The following CCNJ variants were observed in gnomAD, a reference collection of about 807,000 sequenced individuals.
The protein encoded by CCNJ is cyclin-J.
A neutral mutation model predicts 41.4 loss-of-function variants in CCNJ; 12 were observed. That is an observed-to-expected ratio of 0.29 (90% CI 0.19 to 0.47). The LOEUF (loss-of-function observed/expected upper bound fraction) is 0.47, where lower values mean the gene tolerates loss of function less well. CCNJ is among the 20% of genes least tolerant of loss of function. The pLI is 1.00. For missense variants in CCNJ, 340 were observed against 464.6 expected (o/e 0.73, Z 2.47); for synonymous variants, 161 against 173.4 (o/e 0.93, Z 0.56).
Position 96,057,898 on chromosome 10 carries a change from T to G in CCNJ, c.809T>G (p.Leu270Arg). The G allele has an allele frequency of 6.2e-7, 1 of 1,614,182 alleles. No homozygotes were observed. The highest frequency in any genetic ancestry group is 8.5e-7 in the Non-Finnish European group (1 of 1,180,010). Residue 270 changes from leucine (L) to arginine (R), a missense_variant, in exon 6 of 6, where the codon CTA (leucine) becomes CGA (arginine). By Grantham distance (102) the Leu-to-Arg change is moderately radical. Around this residue, in one of 3 missense-constraint regions of CCNJ, gnomAD observed 159 missense variants for 168.2 expected, o/e 0.95. Coordinates refer to ENST00000465148, the MANE Select transcript of CCNJ (RefSeq NM_001134375.2). Reference sequence around the variant, plus strand: ...CAAGCAGGACCTCAGTCAGCGCAACTAAGTGTATTCCAGACAGCCTCCCAG... The same window carrying G: ...CAAGCAGGACCTCAGTCAGCGCAACGAAGTGTATTCCAGACAGCCTCCCAG... The part of the protein sequence containing the change: ...RGQAGPQSAQ[L>R]SVFQTASQPS...
chr10:96,044,878 T>C (rs562304928), intron 2 of CCNJ, among the ~76,000 whole-genome samples: 1 of 152,338 alleles, frequency 6.6e-6, no homozygotes, highest in East Asian at 1.9e-4. Context: ...CCGTGAGACG[T>C]GGACAAGTGA....
rs777904014 is a variant in CCNJ, at chr10:96,058,186, G to A, written c.1097G>A (p.Arg366Gln). The A allele has an allele frequency of 9.9e-6, 16 of 1,613,902 alleles. No homozygotes were observed. Among genetic ancestry groups the A allele is most frequent in the Middle Eastern group, 1.6e-4 (1 of 6,084 alleles). ...CCCTGTCTGAGTGTTTCTTACAACC[G>A]GAGTTATCAGATAAATGAACATTAC... ...VKPCLSVSYN[R>Q]SYQINEHYPC... Residue 366 changes from arginine to glutamine, a missense_variant, in exon 6 of 6, where the codon CGG becomes CAG. Arg to Gln is a conservative substitution (Grantham distance 43). Around this residue, in one of 3 missense-constraint regions of CCNJ, gnomAD observed 159 missense variants for 168.2 expected, o/e 0.95. Coordinates refer to ENST00000465148, the MANE Select transcript of CCNJ (RefSeq NM_001134375.2).
intron 2 of CCNJ, among the ~76,000 whole-genome samples, chr10:96,047,176 C>T (rs2080386839): frequency 6.6e-6 from 1 of 152,104 alleles, no homozygotes; most frequent in African/African-American, 2.4e-5. Context: ...GCTTTTATGC[C>T]TGGGTTAGTA....
chr10:96,057,823 G>A lies in CCNJ; in HGVS notation c.741-7G>A, dbSNP rs754698853. 3.1e-5 allele frequency: 50 copies of A among 1,608,518 alleles called. No individual in the cohort carries two copies. In the East Asian group the frequency reaches 3.8e-4, roughly 12 times the overall value. ...TTTTAATAGTTTCCTTTCTCTCCAC[G>A]TTTCAGCGCTCATGATAATGATGTG... On this transcript the variant is annotated splice_region_variant and splice_polypyrimidine_tract_variant and intron_variant, in intron 5 of 5. Coordinates refer to ENST00000465148, the MANE Select transcript of CCNJ (RefSeq NM_001134375.2).
intron 3 of CCNJ, among the ~76,000 whole-genome samples, chr10:96,051,984 T>C (rs1172748068): frequency 2.0e-5 from 3 of 152,266 alleles, no homozygotes; most frequent in South Asian, 2.1e-4. Flanking sequence ...TCCAGTCTCA[T>C]CCCCATGTAC....
intron 2 of CCNJ, among the ~76,000 whole-genome samples, chr10:96,048,886 G>A (rs950042469): frequency 6.6e-6 from 1 of 152,148 alleles, no homozygotes; most frequent in South Asian, 2.1e-4. Flanking sequence ...GAACATGTGT[G>A]TACAAATCTC....
intron 2 of CCNJ, among the ~76,000 whole-genome samples, chr10:96,049,476 TTTTTC>T (rs1439953530): frequency 8.4e-6 from 1 of 118,746 alleles, no homozygotes; most frequent in Admixed American, 9.5e-5. Flanking sequence ...TTTCTTTTTC[TTTTTC>T]TTTTTTTTTT....
At chr10:96,044,301 C>A in intron 1 of CCNJ, 52 bp from the exon 2 acceptor site, 2 of 1,047,272 alleles carry the variant, frequency 1.9e-6, no homozygotes, top group Non-Finnish European at 2.6e-6. Context: ...GGAGGGGGCG[C>A]AGAGGGTCGC....
At chr10:96,052,064 TAA>T (rs1190971777) in intron 3 of CCNJ, among the ~76,000 whole-genome samples, 2 of 152,072 alleles carry the variant, frequency 1.3e-5, no homozygotes, top group African/African-American at 2.4e-5. Flanking sequence ...TACTGTTCTC[TAA>T]AATTCAGACA....
Position 96,044,455 on chromosome 10 carries a change from G to T in CCNJ, c.62G>T (p.Arg21Leu). ...QLAADIHQALRYKELKLPSYK... is the reference protein window; with the variant it reads ...QLAADIHQALLYKELKLPSYK... Reference sequence around the variant, plus strand: ...GCCGCCGATATTCACCAAGCGCTTCGCTACAAGGTAACTCCGAGGCCCGGC... The same window carrying T: ...GCCGCCGATATTCACCAAGCGCTTCTCTACAAGGTAACTCCGAGGCCCGGC... Residue 21 changes from arginine to leucine, a missense_variant, in exon 2 of 6, where the codon CGC becomes CTC. Physicochemically the swap from Arg to Leu is moderately radical, Grantham distance 102. Coordinates refer to ENST00000465148, the MANE Select transcript of CCNJ (RefSeq NM_001134375.2). 1 of 1,554,164 alleles carries T rather than the reference G, an allele frequency of 6.4e-7. No individual in the cohort carries two copies. Among genetic ancestry groups the T allele is most frequent in the Non-Finnish European group, 8.7e-7 (1 of 1,144,476 alleles).
chr10:96,043,576 G>C (rs1352603171), upstream of CCNJ: 1 of 395,172 alleles, frequency 2.5e-6, no homozygotes, highest in Non-Finnish European at 4.5e-6. Context: ...CCGCCTGCCG[G>C]TCCTTTAACA....
chr10:96,050,486 A>G lies in CCNJ; in HGVS notation c.280+20A>G, dbSNP rs1399725528. The G allele has an allele frequency of 1.3e-6, 2 of 1,557,044 alleles. No homozygotes were observed. The highest frequency in any genetic ancestry group is 1.8e-6 in the Non-Finnish European group (2 of 1,128,360). On this transcript the variant is annotated intron_variant, in intron 3 of 5. Transcript: ENST00000465148. ...TAGCAAGTAAGTATGAATCTGATTTACATGACTGGAAATTTCTGATGTTTA... is the reference window on the plus strand; with the variant it reads ...TAGCAAGTAAGTATGAATCTGATTTGCATGACTGGAAATTTCTGATGTTTA...
At chr10:96,048,517 TGTTG>T (rs1163159633) in intron 2 of CCNJ, among the ~76,000 whole-genome samples, 1 of 152,204 alleles carries the variant, frequency 6.6e-6, no homozygotes, top group East Asian at 1.9e-4. Context: ...ACATTTGCAT[TGTTG>T]TCACCACTAT....
At chr10:96,045,035 T>C (rs1255318695) in intron 2 of CCNJ, among the ~76,000 whole-genome samples, 1 of 152,222 alleles carries the variant, frequency 6.6e-6, no homozygotes, top group Non-Finnish European at 1.5e-5. Context: ...GATAACTTCT[T>C]ATCACTTACC....
chr10:96,044,254 G>C (rs1031284976), intron 1 of CCNJ, 99 bp from the exon 2 acceptor site: 31 of 510,648 alleles, frequency 6.1e-5, no homozygotes, highest in Non-Finnish European at 9.4e-5. Context: ...GTGAAGATGA[G>C]CAGCCACACC....
chr10:96,053,685 A>T (rs769942436), intron 3 of CCNJ, among the ~76,000 whole-genome samples: 1 of 152,212 alleles, frequency 6.6e-6, no homozygotes, highest in Non-Finnish European at 1.5e-5. Context: ...GACAAAGTGA[A>T]AAGTGAGACA....
chr10:96,056,894 A>T lies in CCNJ; in HGVS notation c.474A>T (p.Ala158=). 1.2e-6 allele frequency: 2 copies of T among 1,614,176 alleles called. No homozygotes were observed. The highest frequency in any genetic ancestry group is 1.7e-6 in the Non-Finnish European group (2 of 1,179,980). Residue 158 remains alanine (A), a synonymous_variant, in exon 4 of 6, where the codon GCA becomes GCT. Coordinates refer to ENST00000465148, the MANE Select transcript of CCNJ (RefSeq NM_001134375.2). ...AHFIEYYLSE[A]VHETDLHDGW... ...TCATTGAGTATTATCTCTCTGAAGCAGTACACGAAACAGATCTTCATGACG... is the reference window on the plus strand; with the variant it reads ...TCATTGAGTATTATCTCTCTGAAGCTGTACACGAAACAGATCTTCATGACG...
Position 96,060,571 on chromosome 10 carries a change from G to C in CCNJ, c.*2330G>C, listed in dbSNP as rs1267032623. ...CACAACTGCTAGCTTTGGGGGGTGG[G>C]GGAACATTGTGTGGGTTTTGTTTTG... On this transcript the variant is annotated 3_prime_UTR_variant, in exon 6 of 6. Transcript: ENST00000465148. 6.6e-6 allele frequency: 1 copy of C among 152,066 alleles called. No homozygotes were observed. 9.4% of individuals were successfully genotyped at this position (152,066 alleles called of 1,614,324 possible).
intron 3 of CCNJ, among the ~76,000 whole-genome samples, chr10:96,053,413 G>A (rs2080587790): frequency 6.6e-6 from 1 of 152,128 alleles, no homozygotes; most frequent in African/African-American, 2.4e-5. Context: ...AGATTAGCAT[G>A]GTAATTATTA....
Sources: allele counts gnomAD v4.1 joint callset (sites outside exome capture counted in the v4.1 genomes callset), GRCh38; gene constraint gnomAD v4.1.1; regional missense constraint gnomAD v4.1.1; transcripts MANE v1.5; gene names NCBI Gene and HGNC (gene_info 2026-07-23, HGNC 2026-07-21).